Variants in UNC80 observed in about 807,000 individuals in gnomAD.
UNC80 encodes the protein unc-80 subunit of NALCN channel complex, also known as protein unc-80 homolog.
Under a neutral mutation model 384.6 loss-of-function variants are expected in UNC80, and 164 were observed. The ratio of observed to expected loss-of-function variants is 0.43; its 90% confidence interval spans 0.38 to 0.49. The LOEUF is 0.49. UNC80 is among the 20% of genes least tolerant of loss of function. The probability of loss-of-function intolerance (pLI) is 0.00; values close to 1 mark genes in which losing one functional copy is unlikely to be tolerated. For missense variants in UNC80, 3,330 were observed against 4,143.0 expected (o/e 0.80, Z 5.39); for synonymous variants, 1,486 against 1,527.8 (o/e 0.97, Z 0.64).
chr2:209,971,407 T>A (rs1411768624), intron 54 of UNC80, among the ~76,000 whole-genome samples: 2 of 145,148 alleles, frequency 1.4e-5, no homozygotes, highest in African/African-American at 5.1e-5. Flanking sequence ...AGTGCTTTTT[T>A]AAAGAAAGTT....
chr2:209,978,488 A>G (rs2093069033), intron 58 of UNC80, 41 bp from the exon 59 acceptor site: 2 of 1,452,746 alleles, frequency 1.4e-6, no homozygotes, highest in South Asian at 1.4e-5. Context: ...GACATTTAAG[A>G]TTCTCACCAT....
chr2:209,776,470 A>G (rs192519466), intron 3 of UNC80, among the ~76,000 whole-genome samples: 42 of 152,230 alleles, frequency 2.8e-4, no homozygotes, highest in African/African-American at 9.9e-4. Context: ...AATCCCAGCT[A>G]CTCGAGAGGC....
chr2:209,839,535 A>C lies in UNC80; in HGVS notation c.3250+105A>C. 1 of 1,188,712 alleles carries C rather than the reference A, an allele frequency of 8.4e-7. No homozygotes were observed. Among genetic ancestry groups the C allele is most frequent in the Non-Finnish European group, 1.2e-6 (1 of 836,452 alleles). 73.6% of individuals were successfully genotyped at this position (1,188,712 alleles called of 1,614,324 possible). ...GGCCGAAAAAGAAGACCTTCAAGTC[A>C]TAAGACCTAGACTGACTTCATTCAT... On this transcript the variant is annotated intron_variant, in intron 19 of 64. Transcript: ENST00000673920. This position sits in a 1 kb window ranked among gnomAD's most constrained non-coding sequence, Gnocchi z 4.1.
Position 209,831,546 on chromosome 2 carries a change from A to G in UNC80, c.2730A>G (p.Thr910=), listed in dbSNP as rs759515101. Residue 910 remains threonine (T), a synonymous_variant, in exon 16 of 65, where the codon ACA becomes ACG. Transcript: ENST00000673920. ...GCGCCATGTTTAAATCCCTCATCAC[A>G]CGCTGCGCTTCAACCACACATGAAT... is the stretch of plus-strand genomic sequence containing the variant. ...IVSAMFKSLI[T]RCASTTHELH... 114 of 1,550,702 alleles carry G rather than the reference A, an allele frequency of 7.4e-5. 1 individual carries two copies. In the South Asian group the frequency reaches 1.3e-3, roughly 18 times the overall value.
chr2:209,834,675 T>A (rs995112191), intron 17 of UNC80, among the ~76,000 whole-genome samples: 2 of 152,200 alleles, frequency 1.3e-5, no homozygotes, highest in Non-Finnish European at 2.9e-5. Context: ...AAACTTAAAA[T>A]CCTGCTTGCA....
At chr2:209,797,693 C>A (rs940592651) in intron 7 of UNC80, among the ~76,000 whole-genome samples, 1 of 152,126 alleles carries the variant, frequency 6.6e-6, no homozygotes, top group African/African-American at 2.4e-5. Context: ...ATTGCTTGGT[C>A]AAATGGTATT....
At chr2:209,834,208 A>G in intron 17 of UNC80, 40 bp downstream of exon 17, 1 of 1,541,308 alleles carries the variant, frequency 6.5e-7, no homozygotes, top group Non-Finnish European at 8.8e-7. Flanking sequence ...TGTTTGCCTT[A>G]AGTCAGTAGA....
intron 22 of UNC80, among the ~76,000 whole-genome samples, chr2:209,865,551 G>C (rs1446589646): frequency 6.7e-6 from 1 of 149,338 alleles, no homozygotes; most frequent in Non-Finnish European, 1.5e-5. Flanking sequence ...GCAGTGAGCC[G>C]AGATCCCGCC....
chr2:209,911,429 C>G (rs2088926893), intron 29 of UNC80, among the ~76,000 whole-genome samples: 1 of 152,102 alleles, frequency 6.6e-6, no homozygotes, highest in South Asian at 2.1e-4. Context: ...TTAGAAAGCA[C>G]AACAAGAGCC....
chr2:209,838,812 T>C (rs918405827), intron 18 of UNC80, among the ~76,000 whole-genome samples: 5 of 152,004 alleles, frequency 3.3e-5, no homozygotes, highest in East Asian at 1.9e-4. Context: ...ATACAAAAAA[T>C]TAGCCGGGTG....
intron 13 of UNC80, among the ~76,000 whole-genome samples, chr2:209,822,919 A>G (rs1053355179): frequency 2.6e-5 from 4 of 152,184 alleles, no homozygotes; most frequent in Non-Finnish European, 5.9e-5. Flanking sequence ...TATGTTTTAT[A>G]GTTAGTTACC....
At chr2:209,941,114 G>A in intron 43 of UNC80, 107 bp from the exon 44 acceptor site, 1 of 1,350,876 alleles carries the variant, frequency 7.4e-7, no homozygotes, top group Non-Finnish European at 9.8e-7. Context: ...TTCACATCCT[G>A]GAGCTGGAAC....
At chr2:209,919,857 C>A (rs1451556372) in intron 33 of UNC80, among the ~76,000 whole-genome samples, 4 of 152,174 alleles carry the variant, frequency 2.6e-5, no homozygotes, top group Admixed American at 2.6e-4. Context: ...TCATCTGAGC[C>A]AGCCACAATC....
intron 39 of UNC80, among the ~76,000 whole-genome samples, chr2:209,935,373 G>A (rs992871445): frequency 6.6e-6 from 1 of 152,106 alleles, no homozygotes; most frequent in African/African-American, 2.4e-5. Context: ...TGTAATCTCC[G>A]CACTTTGGGA....
intron 14 of UNC80, among the ~76,000 whole-genome samples, chr2:209,826,964 T>G (rs1332180898): frequency 6.6e-6 from 1 of 152,154 alleles, no homozygotes; most frequent in Non-Finnish European, 1.5e-5. Context: ...CATGCTGGGT[T>G]TCTTGCTTAA....
intron 21 of UNC80, among the ~76,000 whole-genome samples, chr2:209,844,295 A>G (rs777617001): frequency 1.1e-4 from 17 of 152,162 alleles, no homozygotes; most frequent in African/African-American, 1.7e-4. Context: ...TTTATGCACT[A>G]AAGTATAACT....
Position 209,881,022 on chromosome 2 carries a change from T to G in UNC80, c.4038T>G (p.Leu1346=), listed in dbSNP as rs947961409. ...PFALKMAACQ[L]LLEITTFLRE... ...CCTTGAAGATGGCAGCATGTCAGCT[T>G]CTTCTGGAGATTACCACCTTCCTGC... Residue 1346 remains leucine (L), a synonymous_variant, in exon 25 of 65, where the codon CTT becomes CTG. Transcript: ENST00000673920. The G allele has an allele frequency of 2.0e-5, 31 of 1,551,824 alleles. No individual in the cohort carries two copies. In the Admixed American group the frequency reaches 5.9e-4, roughly 29 times the overall value.
At chr2:209,972,611 C>T (rs550520902) in intron 55 of UNC80, among the ~76,000 whole-genome samples, 3 of 152,252 alleles carry the variant, frequency 2.0e-5, no homozygotes, top group South Asian at 2.1e-4. Context: ...AAATGGTATT[C>T]GTTGAAGTAC....
rs1253303904 is a variant in UNC80 at position 209,839,386 on chromosome 2, G to A, written c.3206G>A (p.Arg1069Gln). The change falls in exon 19 of 65, where the codon CGA becomes CAA. Residue 1069 changes from arginine to glutamine, a missense_variant. Arg to Gln is a conservative substitution (Grantham distance 43). This residue lies in a region of UNC80 where 801 missense variants were observed against 950.8 expected (regional missense o/e 0.84). Transcript: ENST00000673920. This position sits in a 1 kb window ranked among gnomAD's most constrained non-coding sequence, Gnocchi z 4.1. ...ACCTCTGACCGACGTGCCCGCTCACGATCCCGCAGAATTTCCCTCCGAAAG... is the reference window on the plus strand; with the variant it reads ...ACCTCTGACCGACGTGCCCGCTCACAATCCCGCAGAATTTCCCTCCGAAAG... ...GTTSDRRARS[R>Q]SRRISLRKKL... 4.5e-6 allele frequency: 7 copies of A among 1,551,892 alleles called. No individual in the cohort carries two copies. The highest frequency in any genetic ancestry group is 2.0e-5 in the Admixed American group (1 of 50,968).
Sources: allele counts gnomAD v4.1 joint callset (sites outside exome capture counted in the v4.1 genomes callset), GRCh38; gene constraint gnomAD v4.1.1; regional missense constraint gnomAD v4.1.1; non-coding constraint Gnocchi (gnomAD v3.1); transcripts MANE v1.5; gene names NCBI Gene and HGNC (gene_info 2026-07-23, HGNC 2026-07-21).